GDPD1: variants seen among roughly 807,000 people sequenced by gnomAD.
GDPD1 encodes the protein glycerophosphodiester phosphodiesterase domain containing 1.
Under a neutral mutation model 45.1 loss-of-function variants are expected in GDPD1, and 28 were observed. The ratio of observed to expected loss-of-function variants is 0.62; its 90% CI spans 0.46 to 0.85. GDPD1 has a LOEUF of 0.85. Among genes scored for constraint, GDPD1 ranks in the 40% least tolerant of loss-of-function variants. The pLI, the probability that GDPD1 is intolerant of heterozygous loss-of-function variation, is 0.00. For missense variants in GDPD1, 256 were observed against 364.8 expected, an observed-to-expected ratio of 0.70 and a Z score of 2.43; for synonymous variants, 139 against 131.4, an observed-to-expected ratio of 1.06 and a Z score of -0.40.
At chr17:59,241,990 A>G (rs899594134) in intron 2 of GDPD1, among the ~76,000 whole-genome samples, 12 of 152,162 alleles carry the variant, frequency 7.9e-5, no homozygotes, top group Non-Finnish European at 1.5e-4. Flanking sequence ...GTAATTTACT[A>G]TGATGAGGTT....
rs535246803 is a variant in GDPD1, at chr17:59,261,096, G to A, written c.576+3256G>A. Reference sequence around the variant, plus strand: ...TTCTCCTGCCTCAGACTCCCGACTAGCTGGGATTGCAGGTGCGTGCTGCCA... The same window carrying A: ...TTCTCCTGCCTCAGACTCCCGACTAACTGGGATTGCAGGTGCGTGCTGCCA... On this transcript the variant is annotated intron_variant, in intron 6 of 9. Coordinates refer to ENST00000284116, the MANE Select transcript of GDPD1 (RefSeq NM_182569.4). Among the ~76,000 whole-genome samples, 11 of 152,274 alleles carry A rather than the reference G, an allele frequency of 7.2e-5. No homozygotes were observed. The East Asian group carries it at 1.9e-3, about 27-fold the overall frequency.
At chr17:59,230,539 T>C (rs1001983425) in intron 1 of GDPD1, among the ~76,000 whole-genome samples, 1 of 151,860 alleles carries the variant, frequency 6.6e-6, no homozygotes, top group Non-Finnish European at 1.5e-5. Context: ...TGCGCCACCA[T>C]GCCCGGCTAA....
intron 6 of GDPD1, among the ~76,000 whole-genome samples, chr17:59,262,629 G>GTTTTTTTTTTTTTT (rs144444466): frequency 1.5e-5 from 2 of 131,190 alleles, no homozygotes; most frequent in Admixed American, 7.6e-5. Context: ...TCTTGGTTTT[G>GTTTTTTTTTTTTTT]TTTTTTTTTG....
intron 4 of GDPD1, among the ~76,000 whole-genome samples, chr17:59,254,059 TAAAA>T (rs11284499): frequency 8.1e-6 from 1 of 123,334 alleles, no homozygotes. Flanking sequence ...CATCTCTACT[TAAAA>T]AAAAAAAAAA....
intron 2 of GDPD1, among the ~76,000 whole-genome samples, chr17:59,243,802 A>T (rs1475024940): frequency 6.6e-6 from 1 of 152,236 alleles, no homozygotes; most frequent in Non-Finnish European, 1.5e-5. Flanking sequence ...CTGAGTTGGA[A>T]TTAATTAAAA....
At chr17:59,257,677 C>A in intron 5 of GDPD1, 74 bp from the exon 6 acceptor site, 1 of 887,774 alleles carries the variant, frequency 1.1e-6, no homozygotes, top group Non-Finnish European at 1.8e-6. Flanking sequence ...AATTCTAATT[C>A]ATTTTTTAAG....
chr17:59,242,970 C>T (rs2047185671), intron 2 of GDPD1, among the ~76,000 whole-genome samples: 1 of 152,114 alleles, frequency 6.6e-6, no homozygotes, highest in Non-Finnish European at 1.5e-5. Flanking sequence ...AAGCAGATCA[C>T]CTGAGGTCAG....
intron 1 of GDPD1, among the ~76,000 whole-genome samples, chr17:59,231,051 A>T (rs926592219): frequency 1.3e-5 from 2 of 152,204 alleles, no homozygotes; most frequent in Admixed American, 1.3e-4. Flanking sequence ...GCTACCAAAA[A>T]GGCATGCATG....
chr17:59,235,263 A>G (rs1277385090), intron 2 of GDPD1, among the ~76,000 whole-genome samples: 1 of 152,176 alleles, frequency 6.6e-6, no homozygotes, highest in Non-Finnish European at 1.5e-5. Flanking sequence ...ATTTTCTTAT[A>G]TAATTTTTGA....
intron 1 of GDPD1, among the ~76,000 whole-genome samples, chr17:59,224,493 C>T (rs1244336122): frequency 6.6e-6 from 1 of 151,808 alleles, no homozygotes; most frequent in African/African-American, 2.4e-5. Flanking sequence ...AGCGTGGTGG[C>T]GGGCGCCTGT....
At chr17:59,255,672 G>A (rs1238216110) in intron 4 of GDPD1, among the ~76,000 whole-genome samples, 4 of 143,148 alleles carry the variant, frequency 2.8e-5, no homozygotes, top group African/African-American at 1.1e-4. Context: ...GAACCTGGGA[G>A]GCGGAGGTTG....
At chr17:59,237,046 T>G (rs983096398) in intron 2 of GDPD1, among the ~76,000 whole-genome samples, 9 of 152,178 alleles carry the variant, frequency 5.9e-5, no homozygotes, top group African/African-American at 1.7e-4. Flanking sequence ...AGAAGGTTTT[T>G]TTTTGTTTTG....
chr17:59,221,818 G>A (rs1438958811), intron 1 of GDPD1, among the ~76,000 whole-genome samples: 1 of 152,086 alleles, frequency 6.6e-6, no homozygotes, highest in Non-Finnish European at 1.5e-5. Context: ...ATTTCTAGGA[G>A]TTTACAGTCT....
At chr17:59,222,192 TTTTG>T (rs1019381357) in intron 1 of GDPD1, among the ~76,000 whole-genome samples, 28 of 151,964 alleles carry the variant, frequency 1.8e-4, no homozygotes, top group Middle Eastern at 3.2e-3. Flanking sequence ...CTTTTTGTGT[TTTTG>T]TTTGTTTGTT....
intron 3 of GDPD1, among the ~76,000 whole-genome samples, chr17:59,247,652 A>G (rs2047222265): frequency 6.6e-6 from 1 of 151,636 alleles, no homozygotes; most frequent in Non-Finnish European, 1.5e-5. Flanking sequence ...TTTTTGAGAC[A>G]GAGTTTCACT....
chr17:59,260,060 C>CAAAAAAAAAAAA lies in GDPD1; in HGVS notation c.576+2249_576+2260dup, dbSNP rs56936442. On this transcript the variant is annotated intron_variant, in intron 6 of 9. Coordinates refer to ENST00000284116, the MANE Select transcript of GDPD1 (RefSeq NM_182569.4). ...TGGGTGACGGAGCCAGACCCTGTCT[C>CAAAAAAAAAAAA]AAAAAAAAAAAAAAAAAAAAAAAAA... 3.5e-4 allele frequency among the ~76,000 whole-genome samples: 9 copies of CAAAAAAAAAAAA among 25,852 alleles called. 2 individuals are homozygous for CAAAAAAAAAAAA. Among genetic ancestry groups the CAAAAAAAAAAAA allele is most frequent in the African/African-American group, 4.3e-4 (3 of 7,002 alleles). The allele number at this position is 25,852 out of a possible 152,430, so 17.0% of individuals were successfully genotyped here.
intron 1 of GDPD1, among the ~76,000 whole-genome samples, chr17:59,223,458 G>A (rs553751874): frequency 1.3e-5 from 2 of 152,116 alleles, no homozygotes; most frequent in African/African-American, 4.8e-5. Context: ...AAGATACTAC[G>A]TCTCTGGAAA....
At chr17:59,234,199 A>T (rs1445975391) in intron 1 of GDPD1, among the ~76,000 whole-genome samples, 4 of 152,050 alleles carry the variant, frequency 2.6e-5, no homozygotes, top group Non-Finnish European at 4.4e-5. Flanking sequence ...TACAAAAAAA[A>T]AATTAGCCGG....
At chr17:59,263,599 C>T (rs2047376185) in intron 6 of GDPD1, among the ~76,000 whole-genome samples, 1 of 150,276 alleles carries the variant, frequency 6.7e-6, no homozygotes, top group East Asian at 2.0e-4. Flanking sequence ...CTCCCTCAGC[C>T]TCCCGAGTAG....
Sources: gnomAD v4.1 joint callset for allele counts (sites outside exome capture counted in the v4.1 genomes callset) on GRCh38, gnomAD v4.1.1 for gene constraint, MANE v1.5 for transcripts, NCBI Gene and HGNC (gene_info 2026-07-23, HGNC 2026-07-21) for gene names.